SPATS2L: variants seen among roughly 807,000 people sequenced by gnomAD.
The protein encoded by SPATS2L is SPATS2-like protein.
A neutral mutation model predicts 59.6 loss-of-function variants in SPATS2L; 30 were observed. That is an observed-to-expected ratio of 0.50 (90% CI 0.38 to 0.68). The LOEUF is 0.68. Ranked by LOEUF, SPATS2L falls within the 30% of genes least tolerant of loss-of-function variation. The pLI is 0.00. For missense variants in SPATS2L, 615 were observed against 700.0 expected (o/e 0.88, Z 1.37); for synonymous variants, 252 against 263.5 (o/e 0.96, Z 0.42).
At chr2:200,309,078 C>T (rs550414574) in intron 1 of SPATS2L, 7 of 717,970 alleles carry the variant, frequency 9.7e-6, no homozygotes, top group African/African-American at 5.2e-5. Flanking sequence ...ATTTTATGGA[C>T]CCGTTTTGCC....
chr2:200,477,847 C>T lies in SPATS2L; in HGVS notation c.1493C>T (p.Thr498Ile). ...KNQEASLGMK[T>I]PEAPAHSEKP... is the part of the protein sequence containing the mutation. ...CAAGAGGCTTCCTTGGGGATGAAGA[C>T]CCCCGAGGCCCCGGCCCATTCTGAA... is the stretch of plus-strand genomic sequence containing the variant. Residue 498 changes from threonine to isoleucine, a missense_variant, in exon 13 of 13, where the codon ACC becomes ATC. Coordinates refer to ENST00000409140, the MANE Select transcript of SPATS2L (RefSeq NM_001100423.2). The T allele has an allele frequency of 1.9e-6, 3 of 1,585,144 alleles. No individual in the cohort carries two copies. The highest frequency in any genetic ancestry group is 1.1e-5 in the South Asian group (1 of 87,458).
Position 200,479,951 on chromosome 2 carries a change from A to G in SPATS2L, c.*1920A>G, listed in dbSNP as rs920815634. Reference sequence around the variant, plus strand: ...GGAAGGAAGAGTTGTTCGTTCAAATAAGAAAGATAAATGTTCGGCACTGTA... The same window carrying G: ...GGAAGGAAGAGTTGTTCGTTCAAATGAGAAAGATAAATGTTCGGCACTGTA... On this transcript the variant is annotated 3_prime_UTR_variant, in exon 13 of 13. Coordinates refer to ENST00000409140, the MANE Select transcript of SPATS2L (RefSeq NM_001100423.2). 6.7e-5 allele frequency: 26 copies of G among 389,544 alleles called. No homozygotes were observed. Among genetic ancestry groups the G allele is most frequent in the Middle Eastern group, 1.3e-3 (2 of 1,566 alleles). 24.1% of individuals were successfully genotyped at this position (389,544 alleles called of 1,614,324 possible). A position where few individuals can be genotyped will look rare whatever the true frequency, so the allele number is the denominator to read the frequency against.
chr2:200,476,682 C>T lies in SPATS2L; in HGVS notation c.1282-954C>T, dbSNP rs191151416. Reference sequence around the variant, plus strand: ...GGGTAGTACCCATGACCCCTGGAGCCCCAGAGGGCATGCGTTACAATGCTC... The same window carrying T: ...GGGTAGTACCCATGACCCCTGGAGCTCCAGAGGGCATGCGTTACAATGCTC... On this transcript the variant is annotated intron_variant, in intron 12 of 12. Transcript: ENST00000409140. Among the ~76,000 whole-genome samples, 205 of 152,312 alleles carry T rather than the reference C, an allele frequency of 1.3e-3. 2 individuals are homozygous for T. Among genetic ancestry groups the T allele is most frequent in the Middle Eastern group, 3.4e-3 (1 of 294 alleles).
chr2:200,355,105 A>C (rs1238751535), intron 2 of SPATS2L, among the ~76,000 whole-genome samples: 1 of 152,090 alleles, frequency 6.6e-6, no homozygotes, highest in East Asian at 1.9e-4. Context: ...CCCTTTTCAG[A>C]CATCTCTTTT....
chr2:200,436,085 C>CT (rs1342733601), intron 6 of SPATS2L, among the ~76,000 whole-genome samples: 3 of 152,154 alleles, frequency 2.0e-5, no homozygotes, highest in Non-Finnish European at 1.5e-5. Flanking sequence ...GGCTACCTTA[C>CT]TGGACACTGG....
At chr2:200,464,104 G>T (rs993619008) in intron 9 of SPATS2L, among the ~76,000 whole-genome samples, 7 of 152,192 alleles carry the variant, frequency 4.6e-5, no homozygotes, top group Non-Finnish European at 1.0e-4. Context: ...TTCCTCTACA[G>T]ATTTCTGAAA....
At chr2:200,419,191 C>T in intron 5 of SPATS2L, 59 bp from the exon 6 acceptor site, 1 of 1,472,314 alleles carries the variant, frequency 6.8e-7, no homozygotes, top group Non-Finnish European at 9.1e-7. Flanking sequence ...CTCTCAGATT[C>T]ACCTTATATT....
chr2:200,447,944 T>A (rs1225553226), intron 8 of SPATS2L, among the ~76,000 whole-genome samples: 3 of 152,206 alleles, frequency 2.0e-5, no homozygotes, highest in Non-Finnish European at 4.4e-5. Context: ...ATCAAGAGTT[T>A]GGCCAGCTGG....
intron 1 of SPATS2L, among the ~76,000 whole-genome samples, chr2:200,316,049 A>C (rs1206772497): frequency 6.7e-6 from 1 of 149,252 alleles, no homozygotes; most frequent in African/African-American, 2.5e-5. Flanking sequence ...AAAAAAAGAG[A>C]TATGCAGAGC....
intron 2 of SPATS2L, among the ~76,000 whole-genome samples, chr2:200,332,719 T>C (rs2079986868): frequency 6.7e-6 from 1 of 150,096 alleles, no homozygotes; most frequent in Non-Finnish European, 1.5e-5. Context: ...AAAGAATGAA[T>C]TACTGGAATT....
At position 200,479,863 on chromosome 2, in the gene SPATS2L, G is replaced by A; in HGVS notation, c.*1832G>A. The A allele has an allele frequency of 5.0e-6, 2 of 397,884 alleles. No homozygotes were observed. The highest frequency in any genetic ancestry group is 8.8e-6 in the Non-Finnish European group (2 of 226,004). The allele number at this position is 397,884 out of a possible 1,614,324, so 24.6% of individuals were successfully genotyped here. On this transcript the variant is annotated 3_prime_UTR_variant, in exon 13 of 13. Transcript: ENST00000409140. The stretch of plus-strand genomic sequence containing the variant: ...TTGCTCTCTCTGTAGAGAGCTTTCT[G>A]AGGTCTCTGGGTGTACCCAGAGATT...
chr2:200,439,184 A>G lies in SPATS2L; in HGVS notation c.508A>G (p.Thr170Ala). 1 of 1,613,800 alleles carries G rather than the reference A, an allele frequency of 6.2e-7. No homozygotes were observed. Among genetic ancestry groups the G allele is most frequent in the Non-Finnish European group, 8.5e-7 (1 of 1,179,750 alleles). The stretch of plus-strand genomic sequence containing the variant: ...TGGGAACCCCAAACCTATACATGGA[A>G]CAACAGAGAGGTCAGATGGCCTACA... ...LDGNPKPIHG[T>A]TERSDGLQWS... Residue 170 changes from threonine to alanine, a missense_variant, in exon 7 of 13, where the codon ACA becomes GCA. By Grantham distance (58) the Thr-to-Ala change is moderately conservative. Around this residue, in one of 3 missense-constraint regions of SPATS2L, gnomAD observed 227 missense variants for 257.4 expected, o/e 0.88. Coordinates refer to ENST00000409140, the MANE Select transcript of SPATS2L (RefSeq NM_001100423.2).
At chr2:200,379,995 C>T (rs1444957292) in intron 2 of SPATS2L, among the ~76,000 whole-genome samples, 1 of 152,038 alleles carries the variant, frequency 6.6e-6, no homozygotes, top group African/African-American at 2.4e-5. Context: ...AGAAGCAGAT[C>T]CTTATAGGAG....
At chr2:200,389,397 A>C in intron 3 of SPATS2L, 114 bp downstream of exon 3, 1 of 690,996 alleles carries the variant, frequency 1.4e-6, no homozygotes, top group Non-Finnish European at 2.5e-6. Flanking sequence ...GGGGATACGT[A>C]GTAAGTTTGC....
At chr2:200,418,515 A>T (rs1473135988) in intron 5 of SPATS2L, among the ~76,000 whole-genome samples, 1 of 151,878 alleles carries the variant, frequency 6.6e-6, no homozygotes, top group Non-Finnish European at 1.5e-5. Flanking sequence ...TTGAAGCTGC[A>T]GTGAGCTGTG....
At chr2:200,310,038 T>TA (rs200708386) in intron 1 of SPATS2L, among the ~76,000 whole-genome samples, 2 of 152,204 alleles carry the variant, frequency 1.3e-5, no homozygotes, top group Admixed American at 6.5e-5. Context: ...TATTTTCTGA[T>TA]AAAAAAATTT....
chr2:200,316,481 A>G (rs781536843), intron 1 of SPATS2L, among the ~76,000 whole-genome samples: 1 of 152,264 alleles, frequency 6.6e-6, no homozygotes, highest in Non-Finnish European at 1.5e-5. Flanking sequence ...CGCAGGATCT[A>G]GGACCAGTTT....
chr2:200,328,104 A>G (rs1356129097), intron 1 of SPATS2L, among the ~76,000 whole-genome samples: 2 of 152,038 alleles, frequency 1.3e-5, no homozygotes, highest in Non-Finnish European at 2.9e-5. Flanking sequence ...TTAGCATGAC[A>G]CCCTACCCCT....
chr2:200,372,111 T>C, intron 2 of SPATS2L: 1 of 985,446 alleles, frequency 1.0e-6, no homozygotes, highest in Non-Finnish European at 1.2e-6. Flanking sequence ...GCTTCAAGCT[T>C]TCAGACAACA....
Sources: allele counts gnomAD v4.1 joint callset (sites outside exome capture counted in the v4.1 genomes callset), GRCh38; gene constraint gnomAD v4.1.1; regional missense constraint gnomAD v4.1.1; transcripts MANE v1.5; gene names NCBI Gene and HGNC (gene_info 2026-07-23, HGNC 2026-07-21).